PCDH11X: variants seen among roughly 807,000 people sequenced by gnomAD.
PCDH11X encodes protocadherin-11 X-linked.
Under a neutral mutation model 53.3 loss-of-function variants are expected in PCDH11X, and 18 were observed. That is an observed-to-expected ratio of 0.34 (90% CI 0.23 to 0.50). PCDH11X has a LOEUF of 0.50. Ranked by LOEUF, PCDH11X falls within the 20% of genes least tolerant of loss-of-function variation. The pLI, the probability that PCDH11X is intolerant of heterozygous loss-of-function variation, is 0.98. For synonymous variants in PCDH11X, 279 were observed against 393.3 expected, an observed-to-expected ratio of 0.71 and a Z score of 3.44; for missense variants, 570 against 1,032.4, an observed-to-expected ratio of 0.55 and a Z score of 6.14.
chrX:92,340,980 C>T (rs5941073), intron 8 of PCDH11X, among the ~76,000 whole-genome samples: 48,246 of 110,762 alleles, frequency 0.44, 7,826 homozygotes, highest in Middle Eastern at 0.53. Context: ...CACATCTGAA[C>T]ATGTGCTGTT....
At chrX:92,112,654 C>T (rs1408205390) in intron 6 of PCDH11X, among the ~76,000 whole-genome samples, 1 of 109,306 alleles carries the variant, frequency 9.1e-6, no homozygotes, top group Admixed American at 9.7e-5. Flanking sequence ...CCATGATAAT[C>T]CATTTATAGA....
At chrX:91,822,417 C>T (rs1936724780) in intron 4 of PCDH11X, among the ~76,000 whole-genome samples, 1 of 109,943 alleles carries the variant, frequency 9.1e-6, no homozygotes, top group Non-Finnish European at 1.9e-5. Flanking sequence ...GTGTATGTGT[C>T]AAGGAATTTA....
At chrX:92,541,398 T>C (rs763054946) in intron 10 of PCDH11X, among the ~76,000 whole-genome samples, 7 of 111,184 alleles carry the variant, frequency 6.3e-5, no homozygotes, top group Admixed American at 1.9e-4. Context: ...AAACTCTCTG[T>C]GTCACAGGGC....
At position 92,618,235 on chromosome X, in the gene PCDH11X, T is replaced by C. The variant is rs765886911; in HGVS notation, c.3368-29T>C. The C allele has an allele frequency of 8.3e-5, 97 of 1,167,041 alleles. No homozygotes were observed. The South Asian group carries it at 1.5e-3, about 18-fold the overall frequency. ...TAAAAATATGCCTTTGAAATATAAA[T>C]TTTATTATTTTTTTCCTCACCCCAA... On this transcript the variant is annotated intron_variant, in intron 10 of 10. Transcript: ENST00000682573.
At position 92,377,546 on chromosome X, in the gene PCDH11X, G is replaced by GA. The variant is rs766048034; in HGVS notation, c.3145-10182dup. Among the ~76,000 whole-genome samples the GA allele has an allele frequency of 2.2e-3, 244 of 110,103 alleles. 1 individual carries two copies. The highest frequency in any genetic ancestry group is 3.9e-3 in the Non-Finnish European group (205 of 52,625). ...CTTTATTCACACAAGCATATAATCT[G>GA]AAAAAAATATTTTTACTGATTTTAT... is the stretch of plus-strand genomic sequence containing the variant. On this transcript the variant is annotated intron_variant, in intron 8 of 10. Transcript: ENST00000682573.
At chrX:92,381,697 G>A (rs994383514) in intron 8 of PCDH11X, among the ~76,000 whole-genome samples, 2 of 111,520 alleles carry the variant, frequency 1.8e-5, no homozygotes, top group African/African-American at 3.3e-5. Context: ...TTGCTTGAAT[G>A]ACATTTGGCT....
intron 9 of PCDH11X, among the ~76,000 whole-genome samples, chrX:92,451,695 T>C (rs1046111117): frequency 3.7e-4 from 42 of 112,129 alleles, no homozygotes; most frequent in African/African-American, 1.3e-3. Context: ...TGAAACCTGA[T>C]TAATACAGAT....
At chrX:92,024,791 C>T (rs1271432134) in intron 6 of PCDH11X, among the ~76,000 whole-genome samples, 1 of 102,872 alleles carries the variant, frequency 9.7e-6, no homozygotes, top group Non-Finnish European at 2.0e-5. Flanking sequence ...AACTATACTA[C>T]AAGGCTACAA....
intron 6 of PCDH11X, among the ~76,000 whole-genome samples, chrX:91,932,671 AGTGTGTGT>A (rs67334455): frequency 1.1e-5 from 1 of 94,635 alleles, no homozygotes; most frequent in Non-Finnish European, 2.1e-5. Context: ...GCATTGTGTG[AGTGTGTGT>A]GTGTGTGTGT....
At chrX:92,215,637 CAAAA>C (rs1279834712) in intron 7 of PCDH11X, among the ~76,000 whole-genome samples, 3 of 83,460 alleles carry the variant, frequency 3.6e-5, no homozygotes, top group Non-Finnish European at 7.2e-5. Flanking sequence ...CACAGACAAA[CAAAA>C]AGACAGCAGT....
chrX:92,452,477 A>G (rs1466109233), intron 9 of PCDH11X, among the ~76,000 whole-genome samples: 22 of 65,001 alleles, frequency 3.4e-4, no homozygotes, highest in Non-Finnish European at 5.9e-4. Context: ...ATATATATAT[A>G]TATATATATA....
intron 8 of PCDH11X, among the ~76,000 whole-genome samples, chrX:92,379,536 G>A (rs2070825782): frequency 1.8e-5 from 2 of 112,672 alleles, no homozygotes; most frequent in African/African-American, 6.4e-5. Context: ...TGCCATGGGT[G>A]ACATGATTGA....
At chrX:92,563,259 G>A (rs918769895) in intron 10 of PCDH11X, among the ~76,000 whole-genome samples, 29 of 107,608 alleles carry the variant, frequency 2.7e-4, no homozygotes, top group Admixed American at 6.1e-4. Flanking sequence ...GCAAAAGCAT[G>A]AGCAAGAGAG....
At chrX:92,324,541 G>T (rs1291751563) in intron 8 of PCDH11X, among the ~76,000 whole-genome samples, 1 of 108,450 alleles carries the variant, frequency 9.2e-6, no homozygotes, top group African/African-American at 3.4e-5. Context: ...CAAGAAGATA[G>T]ACAATCCTAA....
At chrX:92,518,828 C>T (rs6615416) in intron 10 of PCDH11X, among the ~76,000 whole-genome samples, 1 of 95,071 alleles carries the variant, frequency 1.1e-5, no homozygotes, top group Admixed American at 1.3e-4. Context: ...GTGATCTCGG[C>T]TCACTGTAAG....
chrX:92,152,772 T>TATGC (rs2065459157), intron 6 of PCDH11X, among the ~76,000 whole-genome samples: 1 of 102,216 alleles, frequency 9.8e-6, no homozygotes, highest in Admixed American at 1.2e-4. Flanking sequence ...TGTATGTATG[T>TATGC]ATGTATGTAT....
At chrX:92,288,484 G>T (rs2068428516) in intron 8 of PCDH11X, among the ~76,000 whole-genome samples, 1 of 106,965 alleles carries the variant, frequency 9.3e-6, no homozygotes, top group Admixed American at 1.0e-4. Context: ...CGATTCTCCT[G>T]CCTCAGCCTC....
At chrX:92,115,498 G>C (rs1332284575) in intron 6 of PCDH11X, among the ~76,000 whole-genome samples, 1 of 110,392 alleles carries the variant, frequency 9.1e-6, no homozygotes, top group African/African-American at 3.3e-5. Context: ...GTTTATTAAG[G>C]AGAACTGACT....
intron 6 of PCDH11X, among the ~76,000 whole-genome samples, chrX:92,146,218 T>A (rs2148225143): frequency 9.0e-6 from 1 of 110,925 alleles, no homozygotes; most frequent in Non-Finnish European, 1.9e-5. Flanking sequence ...TTTTGAAATT[T>A]AATTTTGACA....
Sources: allele counts gnomAD v4.1 joint callset (sites outside exome capture counted in the v4.1 genomes callset), GRCh38; gene constraint gnomAD v4.1.1; transcripts MANE v1.5; gene names NCBI Gene and HGNC (gene_info 2026-07-23, HGNC 2026-07-21).